The following EPM2A variants were observed in gnomAD, a reference collection of about 807,000 sequenced individuals.
EPM2A encodes laforin.
EPM2A carries 21 observed loss-of-function variants against 26.5 expected under a neutral mutation model. That is an observed-to-expected ratio of 0.79 (90% CI 0.56 to 1.14). The LOEUF is 1.14. Ranked by LOEUF, EPM2A falls within the 50% of genes most tolerant of loss-of-function variation. The pLI, the probability that EPM2A is intolerant of heterozygous loss-of-function variation, is 0.00. For synonymous variants in EPM2A, 217 were observed against 177.6 expected, an observed-to-expected ratio of 1.22 and a Z score of -1.76; for missense variants, 458 against 440.8, an observed-to-expected ratio of 1.04 and a Z score of -0.35.
chr6:145,617,517 A>G (rs1775542601), intron 2 of EPM2A, among the ~76,000 whole-genome samples: 1 of 152,246 alleles, frequency 6.6e-6, no homozygotes, highest in South Asian at 2.1e-4. Flanking sequence ...AAAATGCTTA[A>G]AACAAAATAA....
chr6:145,436,224 C>G (rs1006183829), intron 4 of EPM2A, among the ~76,000 whole-genome samples: 3 of 152,172 alleles, frequency 2.0e-5, no homozygotes, highest in African/African-American at 7.2e-5. Context: ...AGATATATCA[C>G]ATATTGTTTA....
intron 2 of EPM2A, among the ~76,000 whole-genome samples, chr6:145,599,729 T>C (rs1479137580): frequency 2.0e-5 from 3 of 152,048 alleles, no homozygotes; most frequent in African/African-American, 2.4e-5. Flanking sequence ...GCTTTACATA[T>C]ATAATTAGAG....
intron 2 of EPM2A, among the ~76,000 whole-genome samples, chr6:145,599,173 C>T (rs1411776650): frequency 6.6e-6 from 1 of 152,128 alleles, no homozygotes; most frequent in African/African-American, 2.4e-5. Flanking sequence ...GTAGGAATAG[C>T]ATTGAATCTA....
intron 1 of EPM2A, among the ~76,000 whole-genome samples, chr6:145,701,373 A>G (rs1424051213): frequency 6.6e-6 from 1 of 152,198 alleles, no homozygotes; most frequent in Non-Finnish European, 1.5e-5. Context: ...CGTCCTTCAC[A>G]TGCTGACTTT....
chr6:145,405,370 A>T (rs186206021), intron 4 of EPM2A, among the ~76,000 whole-genome samples: 1 of 152,196 alleles, frequency 6.6e-6, no homozygotes, highest in East Asian at 1.9e-4. Flanking sequence ...GCTGCCGGTT[A>T]CGTCATATAA....
At chr6:145,520,267 G>C (rs1780186452) in intron 2 of EPM2A, among the ~76,000 whole-genome samples, 1 of 152,020 alleles carries the variant, frequency 6.6e-6, no homozygotes, top group Non-Finnish European at 1.5e-5. Flanking sequence ...GCATCTGCCT[G>C]CTGTCCCCAC....
intron 4 of EPM2A, among the ~76,000 whole-genome samples, chr6:145,413,789 C>T (rs1778673354): frequency 6.6e-6 from 1 of 152,174 alleles, no homozygotes; most frequent in Non-Finnish European, 1.5e-5. Context: ...AGCTTATTTT[C>T]ACGTAAAAAC....
intron 2 of EPM2A, chr6:145,684,747 C>T (rs2128612968): frequency 6.6e-6 from 1 of 152,160 alleles, no homozygotes; most frequent in South Asian, 2.1e-4. Flanking sequence ...GTACCTCAAT[C>T]CCTACTTCAA....
intron 2 of EPM2A, among the ~76,000 whole-genome samples, chr6:145,538,628 A>C (rs1196770802): frequency 6.6e-6 from 1 of 152,226 alleles, no homozygotes; most frequent in Non-Finnish European, 1.5e-5. Flanking sequence ...TAAACAAGTA[A>C]ATTGTATAAT....
intron 2 of EPM2A, among the ~76,000 whole-genome samples, chr6:145,589,536 G>A (rs368290211): frequency 1.3e-5 from 2 of 152,084 alleles, no homozygotes; most frequent in East Asian, 1.9e-4. Flanking sequence ...ATCTTAAGTA[G>A]AGACTACAAA....
At chr6:145,502,296 T>C (rs1883407) in intron 3 of EPM2A, among the ~76,000 whole-genome samples, 72,934 of 152,166 alleles carry the variant, frequency 0.48, 17,499 homozygotes, top group South Asian at 0.61. Context: ...AGCCAAGCTT[T>C]TTGACTCCCT....
At chr6:145,730,863 CAAAT>C (rs1776449426) in intron 1 of EPM2A, among the ~76,000 whole-genome samples, 1 of 152,142 alleles carries the variant, frequency 6.6e-6, no homozygotes, top group African/African-American at 2.4e-5. Flanking sequence ...GGAAACCTAA[CAAAT>C]AAACGCATGT....
At chr6:145,659,298 T>C (rs545000145) in intron 2 of EPM2A, among the ~76,000 whole-genome samples, 27 of 152,330 alleles carry the variant, frequency 1.8e-4, no homozygotes, top group Admixed American at 3.9e-4. Flanking sequence ...AACAGTCCTA[T>C]ACCCAATACT....
At chr6:145,419,312 C>T (rs550927949) in intron 4 of EPM2A, among the ~76,000 whole-genome samples, 1 of 151,964 alleles carries the variant, frequency 6.6e-6, no homozygotes, top group East Asian at 1.9e-4. Context: ...TTCTACTGGG[C>T]TACAATATTT....
intron 1 of EPM2A, among the ~76,000 whole-genome samples, chr6:145,687,709 A>G (rs1425228827): frequency 3.3e-5 from 5 of 152,312 alleles, no homozygotes; most frequent in African/African-American, 1.2e-4. Flanking sequence ...GTAAGCTCTC[A>G]AAAAATCCTT....
intron 2 of EPM2A, among the ~76,000 whole-genome samples, chr6:145,543,476 C>T (rs1780542387): frequency 6.6e-6 from 1 of 151,908 alleles, no homozygotes; most frequent in African/African-American, 2.4e-5. Flanking sequence ...AGCTCAGAAA[C>T]ATTAAACGAC....
At chr6:145,515,983 G>A (rs1186474448) in intron 2 of EPM2A, among the ~76,000 whole-genome samples, 1 of 152,178 alleles carries the variant, frequency 6.6e-6, no homozygotes. Context: ...CATTGGCTGT[G>A]AGCTGATACT....
At chr6:145,557,245 C>A (rs78204470) in intron 2 of EPM2A, among the ~76,000 whole-genome samples, 294 of 152,108 alleles carry the variant, frequency 1.9e-3, no homozygotes, top group African/African-American at 6.5e-3. Flanking sequence ...AGCTCAACTG[C>A]AAGGAAATAG....
At chr6:145,674,759 A>C (rs1189915662) in intron 2 of EPM2A, among the ~76,000 whole-genome samples, 2 of 152,122 alleles carry the variant, frequency 1.3e-5, no homozygotes, top group African/African-American at 2.4e-5. Context: ...AAAACAAAAA[A>C]AGCCTCCGAG....
Sources: allele counts gnomAD v4.1 joint callset (sites outside exome capture counted in the v4.1 genomes callset), GRCh38; gene constraint gnomAD v4.1.1; transcripts MANE v1.5; gene names NCBI Gene and HGNC (gene_info 2026-07-23, HGNC 2026-07-21).